Variants in DHX15 observed in about 807,000 individuals in gnomAD.
The protein encoded by DHX15 is ATP-dependent RNA helicase DHX15.
Under a neutral mutation model 94.4 loss-of-function variants are expected in DHX15, and 11 were observed. The ratio of observed to expected loss-of-function variants is 0.12; its 90% confidence interval spans 0.07 to 0.19. The LOEUF (loss-of-function observed/expected upper bound fraction) is 0.19. Ranked by LOEUF, DHX15 falls within the 10% of genes least tolerant of loss-of-function variation. DHX15 has a pLI of 1.00. For synonymous variants in DHX15, 338 were observed against 329.9 expected (o/e 1.02, Z -0.27); for missense variants, 304 against 988.5 (o/e 0.31, Z 9.29).
intron 9 of DHX15, among the ~76,000 whole-genome samples, 199 bp downstream of exon 9, chr4:24,540,641 T>C (rs1443309509): frequency 8.2e-6 from 1 of 122,158 alleles, no homozygotes; most frequent in Non-Finnish European, 1.9e-5. Context: ...ATAATAACTT[T>C]TGAAGAAAAA....
intron 3 of DHX15, among the ~76,000 whole-genome samples, chr4:24,565,932 C>T (rs1222007137): frequency 6.6e-6 from 1 of 152,136 alleles, no homozygotes; most frequent in African/African-American, 2.4e-5. Context: ...CTACTTAACA[C>T]ATAGTTAATG....
chr4:24,573,947 G>C (rs1722179888), intron 2 of DHX15, among the ~76,000 whole-genome samples: 2 of 151,558 alleles, frequency 1.3e-5, no homozygotes. Context: ...TGTAATCCCA[G>C]CACTTTGGGA....
At chr4:24,564,383 A>G (rs1272680017) in intron 3 of DHX15, among the ~76,000 whole-genome samples, 1 of 152,232 alleles carries the variant, frequency 6.6e-6, no homozygotes, top group Non-Finnish European at 1.5e-5. Flanking sequence ...CAATTAAGAC[A>G]GTGTGAGAAC....
intron 12 of DHX15, chr4:24,530,111 C>A: frequency 2.8e-6 from 1 of 357,980 alleles, no homozygotes; most frequent in South Asian, 2.7e-5. Context: ...CACAGGCATG[C>A]CCATTTGTCT....
Position 24,543,192 on chromosome 4 carries a change from A to G in DHX15, c.1249-166T>C, listed in dbSNP as rs1413178517. Among the ~76,000 whole-genome samples, 3 of 152,156 alleles carry G rather than the reference A, an allele frequency of 2.0e-5. No homozygotes were observed. The East Asian group carries it at 5.8e-4, about 29-fold the overall frequency. ...GCCAATGCTTTAAAAAGGTAAATTA[A>G]TATTTAAGGAACCAAAATTTTGTTT... On this transcript the variant is annotated intron_variant, in intron 6 of 13. Transcript: ENST00000336812.
intron 2 of DHX15, among the ~76,000 whole-genome samples, chr4:24,572,083 A>G (rs1296050791): frequency 6.6e-6 from 1 of 152,208 alleles, no homozygotes; most frequent in Non-Finnish European, 1.5e-5. Context: ...TCACTGGTGA[A>G]CCAAAGATAT....
chr4:24,576,644 GATCTT>G lies in DHX15; in HGVS notation c.101_105del (p.Glu34AlafsTer3). 6.2e-7 allele frequency: 1 copy of G among 1,613,330 alleles called. No homozygotes were observed. The highest frequency in any genetic ancestry group is 1.1e-5 in the South Asian group (1 of 91,064). On this transcript the variant is annotated frameshift_variant, in exon 2 of 14. Coordinates refer to ENST00000336812, the MANE Select transcript of DHX15 (RefSeq NM_001358.3). LOFTEE classifies it high-confidence loss of function. Reference sequence around the variant, plus strand: ...CGTTCTCGGTCTCGATCTTTAGACCGATCTTCACGATCCCGGTCTCGATCTCGATC... The same window carrying G: ...CGTTCTCGGTCTCGATCTTTAGACCGCACGATCCCGGTCTCGATCTCGATC...
intron 10 of DHX15, chr4:24,538,724 TAAATAA>T (rs1037292549): frequency 1.4e-5 from 2 of 145,394 alleles, no homozygotes; most frequent in South Asian, 2.3e-4. Context: ...TTATTTGTAA[TAAATAA>T]AAATAAGTTT....
intron 1 of DHX15, 69 bp from the exon 2 acceptor site, chr4:24,576,747 CA>C: frequency 6.4e-7 from 1 of 1,556,036 alleles, no homozygotes. Flanking sequence ...GTTATAATCA[CA>C]AAGAGAGTAA....
intron 1 of DHX15, among the ~76,000 whole-genome samples, chr4:24,581,266 G>A (rs1403806968): frequency 6.6e-6 from 1 of 152,032 alleles, no homozygotes; most frequent in Non-Finnish European, 1.5e-5. Flanking sequence ...CTGACCTCGT[G>A]ATCCACCCGC....
At chr4:24,539,531 G>A (rs1479130877) in intron 10 of DHX15, among the ~76,000 whole-genome samples, 1 of 151,910 alleles carries the variant, frequency 6.6e-6, no homozygotes, top group African/African-American at 2.4e-5. Flanking sequence ...TATATATTAG[G>A]TATGTTTCTT....
At chr4:24,532,014 A>G (rs370796206) in intron 12 of DHX15, among the ~76,000 whole-genome samples, 9 of 152,162 alleles carry the variant, frequency 5.9e-5, no homozygotes, top group African/African-American at 2.2e-4. Flanking sequence ...ATCGTGCTTA[A>G]AAGACACAGC....
At chr4:24,547,941 ATCTATATCTATATCTATATC>A (rs1721483121) in intron 6 of DHX15, among the ~76,000 whole-genome samples, 3 of 33,072 alleles carry the variant, frequency 9.1e-5, no homozygotes, top group African/African-American at 2.7e-4. Context: ...ATATATATAT[ATCTATATCTATATCTATATC>A]TATCTGCTGA....
chr4:24,536,914 T>A, intron 11 of DHX15, 137 bp downstream of exon 11: 1 of 997,660 alleles, frequency 1.0e-6, no homozygotes, highest in Non-Finnish European at 1.4e-6. Flanking sequence ...TAAATGCTCG[T>A]CAGGAGTTTT....
intron 2 of DHX15, among the ~76,000 whole-genome samples, chr4:24,575,541 C>T (rs184838100): frequency 1.3e-5 from 2 of 152,244 alleles, no homozygotes; most frequent in African/African-American, 4.8e-5. Context: ...AATAGTTTCC[C>T]ACGTGTTCTC....
intron 6 of DHX15, among the ~76,000 whole-genome samples, chr4:24,545,538 T>C (rs1721404580): frequency 6.6e-6 from 1 of 152,194 alleles, no homozygotes; most frequent in South Asian, 2.1e-4. Flanking sequence ...AACCCTAAAA[T>C]ACAAGTGTTA....
chr4:24,584,193 G>C, intron 1 of DHX15, 130 bp downstream of exon 1: 5 of 1,003,944 alleles, frequency 5.0e-6, no homozygotes, highest in East Asian at 2.8e-5. Context: ...CCCGCCGCTA[G>C]TGAACCCAGC....
intron 6 of DHX15, among the ~76,000 whole-genome samples, chr4:24,543,723 A>G (rs879840908): frequency 2.6e-5 from 4 of 152,164 alleles, no homozygotes; most frequent in Admixed American, 6.5e-5. Context: ...TATATATTAC[A>G]TATGTTTTAG....
intron 3 of DHX15, among the ~76,000 whole-genome samples, chr4:24,567,996 A>G (rs763507471): frequency 6.6e-6 from 1 of 152,240 alleles, no homozygotes; most frequent in Non-Finnish European, 1.5e-5. Context: ...TTCCGAAAAG[A>G]GCACAGTGTC....
Sources: allele counts gnomAD v4.1 joint callset (sites outside exome capture counted in the v4.1 genomes callset), GRCh38; gene constraint gnomAD v4.1.1; transcripts MANE v1.5; gene names NCBI Gene and HGNC (gene_info 2026-07-23, HGNC 2026-07-21).